FRMD4B: variants seen among roughly 807,000 people sequenced by gnomAD.
FRMD4B encodes the protein FERM domain containing 4B.
A neutral mutation model predicts 141.5 loss-of-function variants in FRMD4B; 74 were observed. That is an observed-to-expected ratio of 0.52 (90% CI 0.43 to 0.63). The LOEUF (loss-of-function observed/expected upper bound fraction) is 0.63, where lower values mean the gene tolerates loss of function less well. FRMD4B is among the 30% of genes least tolerant of loss of function. The probability of loss-of-function intolerance (pLI) is 0.00; values close to 1 mark genes in which losing one functional copy is unlikely to be tolerated. For synonymous variants in FRMD4B, 506 were observed against 467.9 expected (o/e 1.08, Z -1.05); for missense variants, 1,366 against 1,253.4 (o/e 1.09, Z -1.36).
intron 5 of FRMD4B, among the ~76,000 whole-genome samples, chr3:69,278,504 C>G (rs2170802): frequency 0.21 from 31,651 of 151,862 alleles, 3,561 homozygotes; most frequent in Non-Finnish European, 0.25. Flanking sequence ...TGCTATGTTG[C>G]CCATGCTGAT....
chr3:69,439,640 G>T (rs1313111016), intron 1 of FRMD4B, among the ~76,000 whole-genome samples: 3 of 152,188 alleles, frequency 2.0e-5, no homozygotes, highest in South Asian at 2.1e-4. Flanking sequence ...TTGTGTGGTA[G>T]AATCTGTGTG....
chr3:69,332,356 A>T (rs1002368754), intron 1 of FRMD4B, among the ~76,000 whole-genome samples: 3 of 152,150 alleles, frequency 2.0e-5, no homozygotes, highest in African/African-American at 7.2e-5. Context: ...AGGAGTCTCA[A>T]TGTGCCAGAA....
intron 1 of FRMD4B, among the ~76,000 whole-genome samples, chr3:69,481,896 A>G (rs1392508504): frequency 2.6e-5 from 4 of 152,224 alleles, no homozygotes. Flanking sequence ...CAGCGAAATA[A>G]GGTTTAACAG....
chr3:69,191,176 C>T (rs1009322210), intron 17 of FRMD4B, among the ~76,000 whole-genome samples: 4 of 152,150 alleles, frequency 2.6e-5, no homozygotes, highest in South Asian at 2.1e-4. Flanking sequence ...CTCAGCACTT[C>T]GAGAGGCCGA....
intron 19 of FRMD4B, among the ~76,000 whole-genome samples, chr3:69,187,551 A>T (rs1559696029): frequency 2.7e-4 from 24 of 88,122 alleles, no homozygotes; most frequent in East Asian, 2.1e-3. Flanking sequence ...AAAAAAAAAA[A>T]AATATATATA....
chr3:69,202,497 G>T (rs1394880799), intron 11 of FRMD4B, among the ~76,000 whole-genome samples: 1 of 144,398 alleles, frequency 6.9e-6, no homozygotes, highest in Non-Finnish European at 1.5e-5. Context: ...AAAAAAAAAA[G>T]AGGAGCTTTA....
At chr3:69,285,951 G>T (rs1262928186) in intron 5 of FRMD4B, among the ~76,000 whole-genome samples, 1 of 152,140 alleles carries the variant, frequency 6.6e-6, no homozygotes, top group African/African-American at 2.4e-5. Flanking sequence ...AGATAAAGAT[G>T]ACAGCAGACT....
intron 4 of FRMD4B, among the ~76,000 whole-genome samples, chr3:69,295,146 A>G (rs775162938): frequency 6.6e-6 from 1 of 152,158 alleles, no homozygotes; most frequent in Non-Finnish European, 1.5e-5. Flanking sequence ...GGGGGCTACC[A>G]CCAGCTTCAT....
intron 1 of FRMD4B, among the ~76,000 whole-genome samples, chr3:69,342,806 C>T (rs1163457758): frequency 2.0e-5 from 3 of 152,094 alleles, no homozygotes; most frequent in African/African-American, 7.2e-5. Flanking sequence ...TATATTACTG[C>T]TAACTACAGT....
chr3:69,204,492 G>A (rs564157870), intron 11 of FRMD4B, among the ~76,000 whole-genome samples: 1 of 152,102 alleles, frequency 6.6e-6, no homozygotes, highest in Non-Finnish European at 1.5e-5. Context: ...TGACTCACAC[G>A]GTGGGGGATC....
intron 5 of FRMD4B, among the ~76,000 whole-genome samples, chr3:69,263,480 T>C (rs2093541502): frequency 6.8e-6 from 1 of 147,996 alleles, no homozygotes; most frequent in African/African-American, 2.5e-5. Flanking sequence ...TATCATGGCT[T>C]ACTGCAGCCT....
chr3:69,343,383 G>C (rs1014167288), intron 1 of FRMD4B, among the ~76,000 whole-genome samples: 2 of 152,078 alleles, frequency 1.3e-5, no homozygotes, highest in African/African-American at 2.4e-5. Context: ...CTCTTTGTCC[G>C]TTAGGTGTGG....
chr3:69,320,051 T>C (rs756363789), intron 1 of FRMD4B, among the ~76,000 whole-genome samples: 9 of 152,154 alleles, frequency 5.9e-5, no homozygotes, highest in South Asian at 2.1e-4. Flanking sequence ...ATTTGAAACA[T>C]GGGGAAACTA....
At chr3:69,539,625 T>G (rs1389872134) in intron 1 of FRMD4B, among the ~76,000 whole-genome samples, 1 of 152,210 alleles carries the variant, frequency 6.6e-6, no homozygotes, top group Non-Finnish European at 1.5e-5. Flanking sequence ...AAATACGGTA[T>G]TTAGGTAATT....
intron 1 of FRMD4B, among the ~76,000 whole-genome samples, chr3:69,439,613 G>T (rs1467268188): frequency 6.6e-6 from 1 of 152,160 alleles, no homozygotes; most frequent in Non-Finnish European, 1.5e-5. Flanking sequence ...GCTGATTTCT[G>T]TCCCGAAGTA....
intron 2 of FRMD4B, among the ~76,000 whole-genome samples, chr3:69,397,568 A>G (rs9880913): frequency 0.011 from 1,709 of 152,338 alleles, 24 homozygotes; most frequent in African/African-American, 0.038. Flanking sequence ...ATGCCAAGAC[A>G]TGGATGAATC....
At chr3:69,388,982 A>C (rs557242129), upstream of FRMD4B, among the ~76,000 whole-genome samples, 5 of 149,744 alleles carry the variant, frequency 3.3e-5, no homozygotes, top group East Asian at 9.8e-4. Context: ...CTCATCCTTC[A>C]TCCCCTCCCA....
At chr3:69,539,840 AGTGTGT>A (rs147346385) in intron 1 of FRMD4B, among the ~76,000 whole-genome samples, 69 of 150,868 alleles carry the variant, frequency 4.6e-4, no homozygotes, top group Middle Eastern at 3.4e-3. Flanking sequence ...GTGTTCAAAC[AGTGTGT>A]GTGTGTGTGT....
rs1368016993 is a variant in FRMD4B at position 69,199,050 on chromosome 3, C to T, written c.877-276G>A. ...CTTTGGGAGGCCGAGGCAGGTGGAT[C>T]ACGAGGTCAGGAGATCGAGACCATC... On this transcript the variant is annotated intron_variant, in intron 11 of 22. Transcript: ENST00000398540. 3.4e-5 allele frequency: 11 copies of T among 322,700 alleles called. No individual in the cohort carries two copies. The Admixed American group carries it at 5.0e-4, about 15-fold the overall frequency. 20.0% of individuals were successfully genotyped at this position (322,700 alleles called of 1,614,324 possible).
Sources: allele counts gnomAD v4.1 joint callset (sites outside exome capture counted in the v4.1 genomes callset), GRCh38; gene constraint gnomAD v4.1.1; transcripts MANE v1.5; gene names NCBI Gene and HGNC (gene_info 2026-07-23, HGNC 2026-07-21).